SDK1: variants seen among roughly 807,000 people sequenced by gnomAD.
SDK1 encodes protein sidekick-1.
SDK1 carries 157 observed loss-of-function variants against 245.5 expected under a neutral mutation model. That is an observed-to-expected ratio of 0.64 (90% CI 0.56 to 0.73). The LOEUF (loss-of-function observed/expected upper bound fraction) is 0.73. Ranked by LOEUF, SDK1 falls within the 30% of genes least tolerant of loss-of-function variation. SDK1 has a pLI of 0.00. For synonymous variants in SDK1, 1,647 were observed against 1,278.5 expected, an observed-to-expected ratio of 1.29 and a Z score of -6.15; for missense variants, 3,583 against 3,002.3, an observed-to-expected ratio of 1.19 and a Z score of -4.52.
In SDK1 at chr7:4,267,014, G is replaced by A. The variant is rs1788510513; in HGVS notation, c.*1630G>A. 1.0e-6 allele frequency: 1 copy of A among 985,476 alleles called. No individual in the cohort carries two copies. Among genetic ancestry groups the A allele is most frequent in the Non-Finnish European group, 1.2e-6 (1 of 830,090 alleles). 61.0% of individuals were successfully genotyped at this position (985,476 alleles called of 1,614,324 possible). On this transcript the variant is annotated 3_prime_UTR_variant, in exon 45 of 45. Transcript: ENST00000404826. Reference sequence around the variant, plus strand: ...TGGCCCCTGCTTACCTAGATGTTTTGTGCACCTCCATGGGCAGAGGGTGTG... The same window carrying A: ...TGGCCCCTGCTTACCTAGATGTTTTATGCACCTCCATGGGCAGAGGGTGTG...
intron 5 of SDK1, among the ~76,000 whole-genome samples, chr7:3,854,700 T>C (rs894060872): frequency 6.6e-6 from 1 of 152,162 alleles, no homozygotes; most frequent in Non-Finnish European, 1.5e-5. Context: ...TCTGTAAACA[T>C]TGAAAGAATA....
At chr7:4,027,039 G>A (rs1165280639) in intron 17 of SDK1, among the ~76,000 whole-genome samples, 2 of 152,226 alleles carry the variant, frequency 1.3e-5, no homozygotes, top group African/African-American at 4.8e-5. Context: ...AACGGTGTGT[G>A]CTGTTGTGCA....
At chr7:3,735,374 G>A (rs183305993) in intron 4 of SDK1, among the ~76,000 whole-genome samples, 2 of 152,250 alleles carry the variant, frequency 1.3e-5, no homozygotes, top group Non-Finnish European at 2.9e-5. Context: ...TTGTCTCTAT[G>A]AGTTTGACTA....
intron 2 of SDK1, among the ~76,000 whole-genome samples, chr7:3,629,608 A>G (rs1782229669): frequency 6.6e-6 from 1 of 152,210 alleles, no homozygotes; most frequent in African/African-American, 2.4e-5. Flanking sequence ...CCCTAGACCA[A>G]ATACTGCTCT....
At chr7:3,960,089 G>A (rs186494615) in intron 8 of SDK1, among the ~76,000 whole-genome samples, 67 of 152,322 alleles carry the variant, frequency 4.4e-4, no homozygotes, top group African/African-American at 1.6e-3. Context: ...AGCTCGGAGG[G>A]TAAGAATGAC....
chr7:4,116,995 G>A (rs1199360374), intron 25 of SDK1, among the ~76,000 whole-genome samples: 1 of 152,210 alleles, frequency 6.6e-6, no homozygotes, highest in Admixed American at 6.5e-5. Context: ...TGGTCACGTG[G>A]ATTTCAAAAA....
At chr7:4,220,795 A>G (rs1785107612) in intron 39 of SDK1, among the ~76,000 whole-genome samples, 1 of 151,366 alleles carries the variant, frequency 6.6e-6, no homozygotes, top group Non-Finnish European at 1.5e-5. Flanking sequence ...TTTTTGAGAC[A>G]GGGTCTCACT....
intron 44 of SDK1, among the ~76,000 whole-genome samples, chr7:4,262,584 C>A (rs1207088613): frequency 6.6e-6 from 1 of 151,612 alleles, no homozygotes; most frequent in African/African-American, 2.4e-5. Context: ...ATATTAGACA[C>A]CCTGGCTTAT....
chr7:4,144,742 C>G (rs1779837468), intron 28 of SDK1, among the ~76,000 whole-genome samples: 2 of 152,138 alleles, frequency 1.3e-5, no homozygotes, highest in African/African-American at 2.4e-5. Flanking sequence ...CTCCTCCCCA[C>G]AGAGGGTGAG....
intron 4 of SDK1, among the ~76,000 whole-genome samples, chr7:3,722,019 G>T (rs1472615742): frequency 2.6e-5 from 4 of 152,048 alleles, no homozygotes; most frequent in African/African-American, 7.2e-5. Flanking sequence ...CCTCACTGCA[G>T]CCTTGACCTC....
At chr7:3,895,228 C>T (rs1314380199) in intron 5 of SDK1, among the ~76,000 whole-genome samples, 1 of 152,104 alleles carries the variant, frequency 6.6e-6, no homozygotes, top group South Asian at 2.1e-4. Context: ...ATAAATCATT[C>T]TTATATTTAT....
chr7:4,157,247 C>T lies in SDK1; in HGVS notation c.4626-1201C>T, dbSNP rs894995161. 1.9e-3 allele frequency among the ~76,000 whole-genome samples: 268 copies of T among 144,642 alleles called. 3 individuals are homozygous for T. Among genetic ancestry groups the T allele is most frequent in the African/African-American group, 6.7e-3 (251 of 37,342 alleles). 94.9% of individuals were successfully genotyped at this position (144,642 alleles called of 152,430 possible). A position where few individuals can be genotyped will look rare whatever the true frequency, so the allele number is the denominator to read the frequency against. On this transcript the variant is annotated intron_variant, in intron 30 of 44. Transcript: ENST00000404826. ...ACCCATTGCATGTGGAGTAGCTGGA[C>T]GGACGGACGGAAGGAAGGAAGGAAG...
intron 1 of SDK1, among the ~76,000 whole-genome samples, chr7:3,555,557 G>A (rs1779561934): frequency 1.3e-5 from 2 of 152,036 alleles, no homozygotes; most frequent in South Asian, 4.1e-4. Flanking sequence ...GGCAAACAAA[G>A]CAAAAATGGA....
intron 1 of SDK1, among the ~76,000 whole-genome samples, chr7:3,579,075 G>C (rs540823415): frequency 2.0e-5 from 3 of 152,052 alleles, no homozygotes; most frequent in South Asian, 4.2e-4. Flanking sequence ...TGGTGTCCCT[G>C]ACTTCCTGCA....
At chr7:3,683,931 C>A (rs1289190201) in intron 4 of SDK1, among the ~76,000 whole-genome samples, 1 of 152,210 alleles carries the variant, frequency 6.6e-6, no homozygotes, top group East Asian at 1.9e-4. Context: ...ACTCCTGTCC[C>A]AATGCAGCCA....
chr7:3,618,069 A>G (rs555414105), intron 1 of SDK1, among the ~76,000 whole-genome samples: 2 of 152,310 alleles, frequency 1.3e-5, no homozygotes, highest in East Asian at 1.9e-4. Context: ...CTGATAAAGA[A>G]ACAAAAACCT....
Position 4,079,545 on chromosome 7 carries a change from C to A in SDK1, c.3285C>A (p.Asp1095Glu), listed in dbSNP as rs142640222. 1 of 1,614,184 alleles carries A rather than the reference C, an allele frequency of 6.2e-7. No homozygotes were observed. Among genetic ancestry groups the A allele is most frequent in the African/African-American group, 1.3e-5 (1 of 75,036 alleles). The stretch of plus-strand genomic sequence containing the variant: ...CCCTTCAGTTCCGGCCAGGCTATGA[C>A]GGGAAAACGTCCATCTCCAGGTGGA... ...SATLQFRPGY[D>E]GKTSISRWIV... Residue 1095 changes from aspartate to glutamate, a missense_variant, in exon 22 of 45, where the codon GAC becomes GAA. Coordinates refer to ENST00000404826, the MANE Select transcript of SDK1 (RefSeq NM_152744.4).
At chr7:4,014,807 C>G (rs1786265099) in intron 16 of SDK1, among the ~76,000 whole-genome samples, 1 of 152,130 alleles carries the variant, frequency 6.6e-6, no homozygotes, top group Non-Finnish European at 1.5e-5. Context: ...AGGAGGCTGC[C>G]CTGCACTTCC....
At chr7:3,612,563 C>T (rs1022738898) in intron 1 of SDK1, among the ~76,000 whole-genome samples, 1 of 152,176 alleles carries the variant, frequency 6.6e-6, no homozygotes, top group African/African-American at 2.4e-5. Context: ...ACAAATGATA[C>T]ATTCTGCCCT....
Sources: gnomAD v4.1 joint callset for allele counts (sites outside exome capture counted in the v4.1 genomes callset) on GRCh38, gnomAD v4.1.1 for gene constraint, MANE v1.5 for transcripts, NCBI Gene and HGNC (gene_info 2026-07-23, HGNC 2026-07-21) for gene names.